TRPM1: variants seen among roughly 807,000 people sequenced by gnomAD.
TRPM1 encodes the protein transient receptor potential cation channel subfamily M member 1.
In TRPM1, 113 loss-of-function variants were observed where a neutral mutation model predicts 149.4. The ratio of observed to expected loss-of-function variants is 0.76; its 90% CI spans 0.65 to 0.88. TRPM1 has a LOEUF of 0.88. TRPM1 is among the 40% of genes least tolerant of loss of function. The pLI, the probability that TRPM1 is intolerant of heterozygous loss-of-function variation, is 0.00. For missense variants in TRPM1, 1,976 were observed against 2,038.7 expected, an observed-to-expected ratio of 0.97 and a Z score of 0.59; for synonymous variants, 741 against 759.5, an observed-to-expected ratio of 0.98 and a Z score of 0.40.
chr15:31,063,405 C>A (rs57299770), intron 7 of TRPM1, 113 bp from the exon 8 acceptor site: 97 of 1,355,934 alleles, frequency 7.2e-5, no homozygotes, highest in Admixed American at 4.7e-4. Context: ...GGGGGATGTT[C>A]TATCTGGCTG....
At chr15:31,130,481 C>A (rs550951881) in intron 1 of TRPM1, among the ~76,000 whole-genome samples, 2 of 152,280 alleles carry the variant, frequency 1.3e-5, no homozygotes, top group East Asian at 3.9e-4. Flanking sequence ...CCCTAGGGAC[C>A]AATCTGCCTT....
chr15:31,050,981 T>C (rs1286831531), intron 11 of TRPM1, among the ~76,000 whole-genome samples: 1 of 152,192 alleles, frequency 6.6e-6, no homozygotes, highest in East Asian at 1.9e-4. Flanking sequence ...AAGACATGTG[T>C]CCATAGTTGT....
intron 1 of TRPM1, among the ~76,000 whole-genome samples, chr15:31,131,323 G>A (rs1033377345): frequency 2.0e-5 from 3 of 152,170 alleles, no homozygotes; most frequent in Non-Finnish European, 4.4e-5. Context: ...AGAGACGAGC[G>A]CAGTGCTTCC....
At chr15:31,157,778 G>A (rs1161726728) in intron 1 of TRPM1, among the ~76,000 whole-genome samples, 2 of 152,164 alleles carry the variant, frequency 1.3e-5, no homozygotes, top group African/African-American at 4.8e-5. Context: ...TCAGAGCTGG[G>A]AAGAGCTGGC....
chr15:31,015,227 CA>C (rs1433834479), intron 27 of TRPM1, among the ~76,000 whole-genome samples: 2 of 150,228 alleles, frequency 1.3e-5, no homozygotes, highest in African/African-American at 4.9e-5. Context: ...AACAACGTGG[CA>C]AAACCCCATC....
rs919003407 is a variant in TRPM1 at position 31,089,157 on chromosome 15, G to T, written c.-83-7719C>A. ...AACTGAAGACAGGCTGCTGCTGTTT[G>T]CCTTCTGGTGTTGCATTATTGTGCA... On this transcript the variant is annotated intron_variant, in intron 1 of 27. Coordinates refer to ENST00000256552, the MANE Select transcript of TRPM1 (RefSeq NM_001252024.2). Among the ~76,000 whole-genome samples the T allele has an allele frequency of 6.6e-5, 10 of 152,208 alleles. 2 individuals are homozygous for T. Among genetic ancestry groups the T allele is most frequent in the Admixed American group, 6.5e-4 (10 of 15,284 alleles).
intron 1 of TRPM1, among the ~76,000 whole-genome samples, chr15:31,129,026 G>C (rs1445240736): frequency 6.6e-6 from 1 of 152,240 alleles, no homozygotes; most frequent in Non-Finnish European, 1.5e-5. Flanking sequence ...GCCTCCTCGG[G>C]AGCTTGCAGG....
At chr15:31,136,211 G>C (rs2036086273) in intron 1 of TRPM1, among the ~76,000 whole-genome samples, 1 of 152,120 alleles carries the variant, frequency 6.6e-6, no homozygotes, top group South Asian at 2.1e-4. Context: ...TAGGAATGGG[G>C]AGAGCATCGG....
intron 27 of TRPM1, among the ~76,000 whole-genome samples, chr15:31,024,111 C>G (rs1444565875): frequency 1.3e-5 from 2 of 152,086 alleles, no homozygotes; most frequent in African/African-American, 4.8e-5. Flanking sequence ...AAGGCAGGGG[C>G]TGACATGCTC....
intron 1 of TRPM1, among the ~76,000 whole-genome samples, chr15:31,160,453 C>T (rs541613010): frequency 6.6e-6 from 1 of 152,304 alleles, no homozygotes; most frequent in East Asian, 1.9e-4. Context: ...ACCCCATCCC[C>T]TAAGGGCGAG....
rs58872566 is a variant in TRPM1, at chr15:31,087,231, A to ATTTTTTTT, written c.-83-5801_-83-5794dup. ...AGCAGTTAAGCAGGTCTCAATAGGG[A>ATTTTTTTT]TTTTTTTTTTTTTTTTTTTTTTTTT... On this transcript the variant is annotated intron_variant, in intron 1 of 27. Transcript: ENST00000256552. Among the ~76,000 whole-genome samples, 308 of 59,448 alleles carry ATTTTTTTT rather than the reference A, an allele frequency of 5.2e-3. 38 individuals are homozygous for ATTTTTTTT. Among genetic ancestry groups the ATTTTTTTT allele is most frequent in the African/African-American group, 0.016 (225 of 14,048 alleles). The allele number at this position is 59,448 out of a possible 152,430, so 39.0% of individuals were successfully genotyped here.
intron 1 of TRPM1, among the ~76,000 whole-genome samples, chr15:31,144,003 G>A (rs757661609): frequency 2.0e-4 from 30 of 152,296 alleles, no homozygotes; most frequent in Admixed American, 6.5e-4. Flanking sequence ...TTGAGAATAC[G>A]TATGGAATGT....
rs959276878 is a variant in TRPM1, at chr15:31,030,147, G to A, written c.3128-756C>T. Among the ~76,000 whole-genome samples, 17 of 152,306 alleles carry A rather than the reference G, an allele frequency of 1.1e-4. No homozygotes were observed. In the East Asian group the frequency reaches 1.7e-3, roughly 16 times the overall value. ...CTGGTTATTGTCTAACCTAGAGGCA[G>A]TAGATATACACTGACAGCCCTACAT... On this transcript the variant is annotated intron_variant, in intron 23 of 27. Transcript: ENST00000256552.
Position 31,070,651 on chromosome 15 carries a change from C to G in TRPM1, c.84-425G>C, listed in dbSNP as rs541907736. 1.1e-4 allele frequency among the ~76,000 whole-genome samples: 16 copies of G among 152,196 alleles called. 1 individual carries two copies. In the East Asian group the frequency reaches 3.1e-3, roughly 29 times the overall value. ...CACTGCAGCCCAGACCTCCCCCAAG[C>G]TCAGGTGATCCTCTCACCTCAGCCT... is the stretch of plus-strand genomic sequence containing the variant. On this transcript the variant is annotated intron_variant, in intron 3 of 27. Coordinates refer to ENST00000256552, the MANE Select transcript of TRPM1 (RefSeq NM_001252024.2).
At chr15:31,073,249 T>C (rs977165367) in intron 3 of TRPM1, among the ~76,000 whole-genome samples, 5 of 152,182 alleles carry the variant, frequency 3.3e-5, no homozygotes, top group African/African-American at 1.2e-4. Context: ...TACCATTTGC[T>C]GAAGAGACGA....
intron 1 of TRPM1, among the ~76,000 whole-genome samples, chr15:31,126,315 C>G (rs930632117): frequency 6.6e-6 from 1 of 152,026 alleles, no homozygotes; most frequent in Admixed American, 6.6e-5. Flanking sequence ...CAAAACTGAC[C>G]AAAGAGCATT....
chr15:31,027,234 C>T, intron 25 of TRPM1, 117 bp from the exon 26 acceptor site: 1 of 885,166 alleles, frequency 1.1e-6, no homozygotes, highest in East Asian at 2.6e-5. Flanking sequence ...CTTTTAGTGC[C>T]CTTTAGTACT....
In TRPM1 at chr15:31,115,041, G is replaced by T. The variant is rs113505380; in HGVS notation, c.55-38057C>A. ...AGGCCAAGGCAGGCGGATCACCTGAGGTTAGGAGTTCAAGACCAGCCTGGC... is the reference window on the plus strand; with the variant it reads ...AGGCCAAGGCAGGCGGATCACCTGATGTTAGGAGTTCAAGACCAGCCTGGC... On this transcript the variant is annotated intron_variant, in intron 1 of 26. Coordinates refer to the TRPM1 transcript ENST00000542188. Among the ~76,000 whole-genome samples, 320 of 152,318 alleles carry T rather than the reference G, an allele frequency of 2.1e-3. 2 individuals are homozygous for T. Among genetic ancestry groups the T allele is most frequent in the African/African-American group, 7.3e-3 (304 of 41,570 alleles).
chr15:31,045,258 T>C (rs1270043073), intron 16 of TRPM1, among the ~76,000 whole-genome samples: 1 of 152,240 alleles, frequency 6.6e-6, no homozygotes, highest in Non-Finnish European at 1.5e-5. Context: ...AAAAAGAATG[T>C]TTCCAAGAGT....
Sources: allele counts gnomAD v4.1 joint callset (sites outside exome capture counted in the v4.1 genomes callset), GRCh38; gene constraint gnomAD v4.1.1; transcripts MANE v1.5; gene names NCBI Gene and HGNC (gene_info 2026-07-23, HGNC 2026-07-21).